Variants in ZNF438 observed in about 807,000 individuals in gnomAD.
ZNF438 encodes the protein zinc finger protein 438.
A neutral mutation model predicts 38.0 loss-of-function variants in ZNF438; 25 were observed. The ratio of observed to expected loss-of-function variants is 0.66; its 90% confidence interval spans 0.48 to 0.92. ZNF438 has a LOEUF of 0.92. ZNF438 is among the 40% of genes least tolerant of loss of function. The pLI is 0.00. For missense variants in ZNF438, 1,007 were observed against 999.6 expected, an observed-to-expected ratio of 1.01 and a Z score of -0.10; for synonymous variants, 372 against 364.1, an observed-to-expected ratio of 1.02 and a Z score of -0.25.
At chr10:30,874,795 T>C (rs1264203930) in intron 4 of ZNF438, among the ~76,000 whole-genome samples, 2 of 150,772 alleles carry the variant, frequency 1.3e-5, no homozygotes, top group African/African-American at 4.8e-5. Flanking sequence ...TATAGAAATA[T>C]CTTTATAAAT....
chr10:30,948,372 C>CA (rs1312370352), intron 1 of ZNF438, among the ~76,000 whole-genome samples: 2 of 152,132 alleles, frequency 1.3e-5, no homozygotes, highest in East Asian at 1.9e-4. Flanking sequence ...CGCAGTTCCT[C>CA]ACCAGCAACG....
intron 1 of ZNF438, among the ~76,000 whole-genome samples, chr10:30,971,922 G>C (rs756323682): frequency 4.6e-5 from 7 of 151,344 alleles, no homozygotes; most frequent in Non-Finnish European, 7.4e-5. Flanking sequence ...CTTAAATTTT[G>C]TATGTGTTTA....
intron 1 of ZNF438, among the ~76,000 whole-genome samples, chr10:30,951,952 A>G (rs1201446104): frequency 6.6e-6 from 1 of 151,486 alleles, no homozygotes; most frequent in African/African-American, 2.4e-5. Flanking sequence ...AGTCAATCCT[A>G]AGCCAAAAGA....
At chr10:31,002,138 C>T (rs1171354000) in intron 1 of ZNF438, among the ~76,000 whole-genome samples, 1 of 152,152 alleles carries the variant, frequency 6.6e-6, no homozygotes, top group Non-Finnish European at 1.5e-5. Flanking sequence ...TTCCTTAAAG[C>T]CTCTCCAGAA....
At chr10:30,867,853 A>G (rs2036718393) in intron 4 of ZNF438, among the ~76,000 whole-genome samples, 1 of 152,236 alleles carries the variant, frequency 6.6e-6, no homozygotes, top group Admixed American at 6.5e-5. Context: ...TATAATTAAA[A>G]TATCACTAGC....
intron 4 of ZNF438, among the ~76,000 whole-genome samples, chr10:30,867,040 A>G (rs1314236218): frequency 6.6e-6 from 1 of 152,214 alleles, no homozygotes; most frequent in African/African-American, 2.4e-5. Flanking sequence ...GTACATGGAC[A>G]GGGTTTCAAA....
intron 2 of ZNF438, among the ~76,000 whole-genome samples, chr10:30,937,096 A>G (rs891327975): frequency 6.6e-6 from 1 of 151,572 alleles, no homozygotes; most frequent in Non-Finnish European, 1.5e-5. Context: ...CTCCTTTACA[A>G]CTCCTCTCTG....
chr10:30,891,443 C>T (rs1296074415), intron 3 of ZNF438, among the ~76,000 whole-genome samples: 4 of 151,916 alleles, frequency 2.6e-5, no homozygotes, highest in South Asian at 2.1e-4. Context: ...TAAACTTTTC[C>T]GTAACTAAAA....
chr10:30,934,198 A>AC (rs2045990715), intron 2 of ZNF438, among the ~76,000 whole-genome samples: 1 of 151,922 alleles, frequency 6.6e-6, no homozygotes, highest in Admixed American at 6.6e-5. Flanking sequence ...GGACTGGGGA[A>AC]CCCTCTTTGG....
At chr10:30,893,845 T>C (rs1002943547) in intron 3 of ZNF438, among the ~76,000 whole-genome samples, 63 of 152,208 alleles carry the variant, frequency 4.1e-4, no homozygotes, top group Admixed American at 1.7e-3. Context: ...TCAGAACGCA[T>C]TCAAAACTAA....
chr10:30,987,627 G>A (rs1482657953), intron 1 of ZNF438, among the ~76,000 whole-genome samples: 1 of 151,972 alleles, frequency 6.6e-6, no homozygotes, highest in Non-Finnish European at 1.5e-5. Context: ...ATGTTGGTGG[G>A]GCCCTCCTGA....
intron 1 of ZNF438, among the ~76,000 whole-genome samples, chr10:30,978,561 G>A (rs1259569069): frequency 6.6e-6 from 1 of 152,054 alleles, no homozygotes; most frequent in African/African-American, 2.4e-5. Context: ...CCAGAATCAA[G>A]ATATAGAACA....
intron 4 of ZNF438, among the ~76,000 whole-genome samples, chr10:30,863,626 G>C (rs763267071): frequency 2.6e-5 from 4 of 152,248 alleles, no homozygotes; most frequent in Non-Finnish European, 5.9e-5. Context: ...GTATGTCAGA[G>C]TTAACTTTCC....
chr10:30,952,123 C>T lies in ZNF438; in HGVS notation c.-191-10472G>A, dbSNP rs377731365. Among the ~76,000 whole-genome samples the T allele has an allele frequency of 4.7e-4, 72 of 151,588 alleles. 2 individuals are homozygous for T. The East Asian group carries it at 0.011, about 24-fold the overall frequency. ...CTATCTACAACTATCTGATCTTTGA[C>T]AAACCTGACAAAAACAAGCAATGGG... On this transcript the variant is annotated intron_variant, in intron 1 of 5. Transcript: ENST00000413025.
chr10:30,991,097 C>G (rs1336020229), intron 1 of ZNF438, among the ~76,000 whole-genome samples: 1 of 152,176 alleles, frequency 6.6e-6, no homozygotes, highest in East Asian at 1.9e-4. Context: ...GACCTGCTCC[C>G]ACCTTACCTC....
intron 1 of ZNF438, among the ~76,000 whole-genome samples, chr10:30,972,952 AATC>A (rs750861405): frequency 9.3e-4 from 141 of 152,096 alleles, no homozygotes; most frequent in Middle Eastern, 6.8e-3. Flanking sequence ...AGGGCAATTC[AATC>A]ATCATCATCA....
intron 1 of ZNF438, among the ~76,000 whole-genome samples, chr10:30,958,937 C>T (rs981265823): frequency 6.8e-6 from 1 of 146,938 alleles, no homozygotes; most frequent in African/African-American, 2.4e-5. Context: ...ATAGATATGC[C>T]TCATTTTGTT....
At chr10:30,901,436 T>A (rs1361532550) in intron 3 of ZNF438, among the ~76,000 whole-genome samples, 1 of 151,542 alleles carries the variant, frequency 6.6e-6, no homozygotes, top group Non-Finnish European at 1.5e-5. Context: ...CCTTCTGATG[T>A]TCCGCTGAGT....
chr10:30,968,590 T>C (rs1018361139), intron 1 of ZNF438, among the ~76,000 whole-genome samples: 4 of 151,768 alleles, frequency 2.6e-5, no homozygotes, highest in Non-Finnish European at 5.9e-5. Context: ...ATTACAAACA[T>C]GCACCACCAC....
Sources: gnomAD v4.1 joint callset for allele counts (sites outside exome capture counted in the v4.1 genomes callset) on GRCh38, gnomAD v4.1.1 for gene constraint, MANE v1.5 for transcripts, NCBI Gene and HGNC (gene_info 2026-07-23, HGNC 2026-07-21) for gene names.